Variants in ELOVL6 observed in about 807,000 individuals in gnomAD.
ELOVL6 encodes ELOVL fatty acid elongase 6.
Under a neutral mutation model 31.7 loss-of-function variants are expected in ELOVL6, and 8 were observed. The ratio of observed to expected loss-of-function variants is 0.25; its 90% CI spans 0.15 to 0.45. The LOEUF (loss-of-function observed/expected upper bound fraction) is 0.45, where lower values mean the gene tolerates loss of function less well. ELOVL6 is among the 20% of genes least tolerant of loss of function. The pLI, the probability that ELOVL6 is intolerant of heterozygous loss-of-function variation, is 1.00. For missense variants in ELOVL6, 126 were observed against 326.4 expected (o/e 0.39, Z 4.73); for synonymous variants, 101 against 117.7 (o/e 0.86, Z 0.92).
At chr4:110,096,804 T>G (rs575295729) in intron 2 of ELOVL6, among the ~76,000 whole-genome samples, 1 of 152,308 alleles carries the variant, frequency 6.6e-6, no homozygotes, top group South Asian at 2.1e-4. Flanking sequence ...TGTTACTGCA[T>G]GTATAGGTCA....
At chr4:110,166,752 G>A (rs1401063655) in intron 1 of ELOVL6, among the ~76,000 whole-genome samples, 5 of 152,140 alleles carry the variant, frequency 3.3e-5, no homozygotes, top group Non-Finnish European at 5.9e-5. Context: ...CACCATGAAA[G>A]GAAACTCCGT....
At chr4:110,148,891 C>T (rs917371820) in intron 1 of ELOVL6, among the ~76,000 whole-genome samples, 2 of 152,174 alleles carry the variant, frequency 1.3e-5, no homozygotes, top group African/African-American at 2.4e-5. Context: ...GACAGAGTCT[C>T]GCTCTGTTGC....
At chr4:110,158,657 A>ATATATATATATATT in intron 1 of ELOVL6, among the ~76,000 whole-genome samples, 19 of 74,150 alleles carry the variant, frequency 2.6e-4, no homozygotes, top group African/African-American at 1.6e-3. Flanking sequence ...ATATATATAT[A>ATATATATATATATT]TTTTTTTTTT....
intron 2 of ELOVL6, among the ~76,000 whole-genome samples, chr4:110,099,237 T>C (rs1756675539): frequency 6.8e-6 from 1 of 146,822 alleles, no homozygotes; most frequent in Non-Finnish European, 1.5e-5. Flanking sequence ...TTAAATACCA[T>C]TCATCTACTG....
rs1168880044 is a variant in ELOVL6 at position 110,084,588 on chromosome 4, ATTTTTTTTTTTTT to A, written c.221+20896_221+20908del. 1.9e-3 allele frequency among the ~76,000 whole-genome samples: 55 copies of A among 29,652 alleles called. 1 individual carries two copies. In the East Asian group the frequency reaches 0.03, roughly 16 times the overall value. The allele number at this position is 29,652 out of a possible 152,430, so 19.5% of individuals were successfully genotyped here. A position where few individuals can be genotyped will look rare whatever the true frequency, so the allele number is the denominator to read the frequency against. Reference sequence around the variant, plus strand: ...GATATATATATATATATATATATATATTTTTTTTTTTTTTTTTTTTTTTTGAGATGGAGTCTTG... The same window carrying A: ...GATATATATATATATATATATATATATTTTTTTTTTTGAGATGGAGTCTTG... On this transcript the variant is annotated intron_variant, in intron 2 of 3. Coordinates refer to ENST00000302274, the MANE Select transcript of ELOVL6 (RefSeq NM_024090.3).
chr4:110,177,249 G>C (rs1427524941), intron 1 of ELOVL6, among the ~76,000 whole-genome samples: 1 of 152,084 alleles, frequency 6.6e-6, no homozygotes, highest in African/African-American at 2.4e-5. Context: ...ACCAACCTGG[G>C]CAACATAGCA....
At chr4:110,093,187 T>C (rs1034224669) in intron 2 of ELOVL6, 26 of 415,066 alleles carry the variant, frequency 6.3e-5, no homozygotes, top group Non-Finnish European at 4.7e-6. Flanking sequence ...CTCAAATGTA[T>C]TAACTGCATT....
intron 3 of ELOVL6, among the ~76,000 whole-genome samples, chr4:110,057,809 C>T (rs1755032591): frequency 6.7e-6 from 1 of 149,764 alleles, no homozygotes; most frequent in South Asian, 2.1e-4. Context: ...CGAGATCGCG[C>T]CACTGCACTC....
intron 2 of ELOVL6, among the ~76,000 whole-genome samples, chr4:110,084,563 G>T (rs771106016): frequency 0.087 from 3,827 of 43,748 alleles, 390 homozygotes; most frequent in African/African-American, 0.28. Flanking sequence ...CACACACACA[G>T]ATATATATAT....
At chr4:110,066,647 A>C in intron 2 of ELOVL6, among the ~76,000 whole-genome samples, 1 of 150,898 alleles carries the variant, frequency 6.6e-6, no homozygotes. Context: ...CAAAAAAAAA[A>C]AAAAAAAAAA....
intron 3 of ELOVL6, among the ~76,000 whole-genome samples, chr4:110,055,927 T>A (rs1310094625): frequency 6.6e-6 from 1 of 152,190 alleles, no homozygotes; most frequent in Non-Finnish European, 1.5e-5. Context: ...AGCTCACGGT[T>A]TTCTGCTGAA....
At chr4:110,101,259 C>T (rs1192429875) in intron 2 of ELOVL6, among the ~76,000 whole-genome samples, 2 of 152,114 alleles carry the variant, frequency 1.3e-5, no homozygotes, top group Non-Finnish European at 2.9e-5. Flanking sequence ...AGGCTAGTCT[C>T]GGACTCCTGA....
intron 1 of ELOVL6, among the ~76,000 whole-genome samples, chr4:110,105,988 T>G (rs1198917804): frequency 1.3e-5 from 2 of 152,252 alleles, no homozygotes; most frequent in Non-Finnish European, 2.9e-5. Context: ...GATACATACA[T>G]GAATTTTAAA....
At chr4:110,189,584 C>T (rs1759548335) in intron 1 of ELOVL6, among the ~76,000 whole-genome samples, 1 of 99,862 alleles carries the variant, frequency 1.0e-5, no homozygotes, top group Non-Finnish European at 1.8e-5. Context: ...CACAGCAAGA[C>T]TCTGTCTCAA....
At chr4:110,193,303 C>T (rs1759675908) in intron 1 of ELOVL6, among the ~76,000 whole-genome samples, 1 of 152,154 alleles carries the variant, frequency 6.6e-6, no homozygotes, top group Non-Finnish European at 1.5e-5. Context: ...AGATGTACAA[C>T]TCCTTTTAAA....
chr4:110,093,746 C>T (rs1231038084), intron 2 of ELOVL6, among the ~76,000 whole-genome samples: 4 of 152,060 alleles, frequency 2.6e-5, no homozygotes, highest in African/African-American at 9.7e-5. Context: ...CCTCATGGAA[C>T]ATAGAGTGCA....
At chr4:110,169,657 C>T (rs1758885797) in intron 1 of ELOVL6, among the ~76,000 whole-genome samples, 1 of 152,142 alleles carries the variant, frequency 6.6e-6, no homozygotes, top group Non-Finnish European at 1.5e-5. Flanking sequence ...TGAGCACACA[C>T]AGGTGTTTGG....
intron 3 of ELOVL6, among the ~76,000 whole-genome samples, chr4:110,059,399 T>C (rs1755078942): frequency 1.3e-5 from 2 of 152,170 alleles, no homozygotes; most frequent in South Asian, 4.1e-4. Flanking sequence ...TATCTACTCT[T>C]AATATGCACA....
chr4:110,181,754 G>T (rs1759280706), intron 1 of ELOVL6, among the ~76,000 whole-genome samples: 1 of 152,178 alleles, frequency 6.6e-6, no homozygotes, highest in Admixed American at 6.5e-5. Flanking sequence ...GACTAGAAAT[G>T]GCCCAGACCA....
Sources: allele counts gnomAD v4.1 joint callset (sites outside exome capture counted in the v4.1 genomes callset), GRCh38; gene constraint gnomAD v4.1.1; transcripts MANE v1.5; gene names NCBI Gene and HGNC (gene_info 2026-07-23, HGNC 2026-07-21).